Variants in SP100 observed in about 807,000 individuals in gnomAD.
SP100 encodes SP100 nuclear body protein.
In SP100, 84 loss-of-function variants were observed where a neutral mutation model predicts 130.0. The observed-to-expected ratio is 0.65, with a 90% CI of 0.54 to 0.77. The LOEUF (loss-of-function observed/expected upper bound fraction) is 0.77, where lower values mean the gene tolerates loss of function less well. Among genes scored for constraint, SP100 ranks in the 30% least tolerant of loss-of-function variants. The pLI, the probability that SP100 is intolerant of heterozygous loss-of-function variation, is 0.00. For missense variants in SP100, 978 were observed against 1,052.2 expected, an observed-to-expected ratio of 0.93 and a Z score of 0.97; for synonymous variants, 331 against 351.7, an observed-to-expected ratio of 0.94 and a Z score of 0.66.
intron 16 of SP100, 130 bp downstream of exon 16, chr2:230,473,570 G>T: frequency 1.8e-6 from 1 of 556,360 alleles, no homozygotes. Flanking sequence ...CAGGAAGTGG[G>T]CCCACAGGCC....
chr2:230,424,634 A>C (rs2149862925), intron 2 of SP100, among the ~76,000 whole-genome samples: 1 of 148,110 alleles, frequency 6.8e-6, no homozygotes, highest in Non-Finnish European at 1.5e-5. Flanking sequence ...GCACCACTGC[A>C]CTCCAGCCTG....
rs147875570 is a variant in SP100 at position 230,455,867 on chromosome 2, T to C, written c.821-5395T>C. Among the ~76,000 whole-genome samples, 4 of 152,296 alleles carry C rather than the reference T, an allele frequency of 2.6e-5. No individual in the cohort carries two copies. The East Asian group carries it at 7.7e-4, about 29-fold the overall frequency. ...CTATTTTAAGCTGATAACAACTTAATTTTGATTGCCTACAAAAACTGCACT... is the reference window on the plus strand; with the variant it reads ...CTATTTTAAGCTGATAACAACTTAACTTTGATTGCCTACAAAAACTGCACT... On this transcript the variant is annotated intron_variant, in intron 8 of 28. Coordinates refer to ENST00000340126, the MANE Select transcript of SP100 (RefSeq NM_001080391.2).
At chr2:230,478,665 T>C (rs2065684120) in intron 17 of SP100, among the ~76,000 whole-genome samples, 1 of 152,206 alleles carries the variant, frequency 6.6e-6, no homozygotes, top group African/African-American at 2.4e-5. Context: ...GCAATTTCTT[T>C]TGTTAGTTAT....
chr2:230,439,297 T>C (rs1363046950), intron 2 of SP100, among the ~76,000 whole-genome samples: 1 of 152,186 alleles, frequency 6.6e-6, no homozygotes, highest in African/African-American at 2.4e-5. Flanking sequence ...TTTGATTCCA[T>C]ATGAATTTTA....
intron 24 of SP100, chr2:230,515,179 T>C: frequency 6.2e-7 from 1 of 1,613,638 alleles, no homozygotes; most frequent in South Asian, 1.1e-5. Flanking sequence ...GAAGACCATT[T>C]TTGCTAAAGA....
chr2:230,426,982 C>T (rs939580873), intron 2 of SP100, among the ~76,000 whole-genome samples: 1 of 151,946 alleles, frequency 6.6e-6, no homozygotes, highest in East Asian at 1.9e-4. Context: ...TGAACTGTCC[C>T]CTTTATCTTT....
chr2:230,451,762 T>C (rs2063997738), intron 8 of SP100, among the ~76,000 whole-genome samples: 1 of 152,096 alleles, frequency 6.6e-6, no homozygotes, highest in Non-Finnish European at 1.5e-5. Flanking sequence ...CTAGTAGTTT[T>C]ACAACCTTGG....
rs990338789 is a variant in SP100 at position 230,417,597 on chromosome 2, G to A, written c.39G>A (p.Leu13=). ...TGCCAAATTGTCTTTCTAGGAGGCT[G>A]AATGAATGTATTTCACCAGTAGCAA... The part of the protein sequence containing the change: ...GGGGDLSTRR[L]NECISPVANE... The change falls in exon 2 of 29, where the codon CTG becomes CTA. Residue 13 remains leucine, a synonymous_variant. Coordinates refer to ENST00000340126, the MANE Select transcript of SP100 (RefSeq NM_001080391.2). The A allele has an allele frequency of 1.2e-6, 2 of 1,612,074 alleles. No individual in the cohort carries two copies. The highest frequency in any genetic ancestry group is 1.7e-6 in the Non-Finnish European group (2 of 1,179,438).
chr2:230,423,587 C>T (rs1350262857), intron 2 of SP100, among the ~76,000 whole-genome samples: 2 of 152,042 alleles, frequency 1.3e-5, no homozygotes, highest in Non-Finnish European at 2.9e-5. Flanking sequence ...GTTTCTAATA[C>T]GTTGGTTTAA....
rs546729394 is a variant in SP100, at chr2:230,535,601, G to A, written c.2095-3666G>A. On this transcript the variant is annotated intron_variant, in intron 24 of 28. Transcript: ENST00000340126. Reference sequence around the variant, plus strand: ...TATTAATTCATGGCAATGTGTTTGCGTATGTTTAATAAGAATCTGTTTTCT... The same window carrying A: ...TATTAATTCATGGCAATGTGTTTGCATATGTTTAATAAGAATCTGTTTTCT... Among the ~76,000 whole-genome samples, 25 of 152,120 alleles carry A rather than the reference G, an allele frequency of 1.6e-4. No homozygotes were observed. In the South Asian group the frequency reaches 1.7e-3, roughly 10 times the overall value.
intron 24 of SP100, among the ~76,000 whole-genome samples, chr2:230,519,801 TG>T (rs1307421306): frequency 2.0e-5 from 3 of 152,190 alleles, no homozygotes; most frequent in African/African-American, 7.2e-5. Flanking sequence ...CAATTGTGTA[TG>T]GTAATACATC....
Position 230,479,544 on chromosome 2 carries a change from C to T in SP100, c.1600+5097C>T, listed in dbSNP as rs182160433. Among the ~76,000 whole-genome samples, 3 of 152,276 alleles carry T rather than the reference C, an allele frequency of 2.0e-5. No individual in the cohort carries two copies. In the East Asian group the frequency reaches 5.8e-4, roughly 29 times the overall value. On this transcript the variant is annotated intron_variant, in intron 17 of 28. Coordinates refer to ENST00000340126, the MANE Select transcript of SP100 (RefSeq NM_001080391.2). ...AACTTTTCTTTCCTTGTAAATTAGA[C>T]CACAGCTGTACTAAAGACTCAGTCT... is the stretch of plus-strand genomic sequence containing the variant.
intron 8 of SP100, among the ~76,000 whole-genome samples, chr2:230,453,931 T>C (rs949836504): frequency 6.6e-6 from 1 of 152,220 alleles, no homozygotes; most frequent in African/African-American, 2.4e-5. Flanking sequence ...TCCTGAACTT[T>C]TGTTTGGTGG....
intron 24 of SP100, among the ~76,000 whole-genome samples, chr2:230,532,395 G>C (rs1351557364): frequency 6.6e-6 from 1 of 151,984 alleles, no homozygotes; most frequent in East Asian, 1.9e-4. Flanking sequence ...GAAAAACTGT[G>C]ATATAGGTAC....
Position 230,450,265 on chromosome 2 carries a change from G to A in SP100, c.820+10G>A, listed in dbSNP as rs764404740. 1.9e-6 allele frequency: 3 copies of A among 1,595,278 alleles called. No individual in the cohort carries two copies. In the South Asian group the frequency reaches 3.3e-5, roughly 18 times the overall value. ...CCCTGTGATGAAGAAAGTAATTATT[G>A]CTTACCTTGCCTATTTTCTTTCCTT... On this transcript the variant is annotated intron_variant, in intron 8 of 28. Coordinates refer to ENST00000340126, the MANE Select transcript of SP100 (RefSeq NM_001080391.2).
chr2:230,453,218 T>C (rs557077686), intron 8 of SP100, among the ~76,000 whole-genome samples: 5 of 152,196 alleles, frequency 3.3e-5, no homozygotes, highest in Admixed American at 2.0e-4. Context: ...AACCATCAGA[T>C]CTTGTGAGAA....
intron 13 of SP100, among the ~76,000 whole-genome samples, chr2:230,467,595 A>AAT (rs2065027250): frequency 6.6e-6 from 1 of 152,232 alleles, no homozygotes; most frequent in Non-Finnish European, 1.5e-5. Context: ...ACAAGAGAAG[A>AAT]GAGCTTCTGC....
chr2:230,440,958 GA>G lies in SP100; in HGVS notation c.108-1970del, dbSNP rs200619393. Among the ~76,000 whole-genome samples, 903 of 149,110 alleles carry G rather than the reference GA, an allele frequency of 6.1e-3. 9 individuals carry two copies. Among genetic ancestry groups the G allele is most frequent in the African/African-American group, 0.017 (691 of 40,660 alleles). On this transcript the variant is annotated intron_variant, in intron 2 of 28. Transcript: ENST00000340126. ...TACACTAAAGTCATTAATTATAAAA[GA>G]AAAAAAAATAAATTGGATTTCATCA...
At chr2:230,448,505 G>A (rs922453626) in intron 5 of SP100, among the ~76,000 whole-genome samples, 1 of 152,100 alleles carries the variant, frequency 6.6e-6, no homozygotes. Context: ...CTACCCCAGA[G>A]CCTGCATTCC....
Sources: allele counts gnomAD v4.1 joint callset (sites outside exome capture counted in the v4.1 genomes callset), GRCh38; gene constraint gnomAD v4.1.1; transcripts MANE v1.5; gene names NCBI Gene and HGNC (gene_info 2026-07-23, HGNC 2026-07-21).